The following RABL3 variants were observed in gnomAD, a reference collection of about 807,000 sequenced individuals.
RABL3 encodes RAB, member of RAS oncogene family like 3.
A neutral mutation model predicts 31.8 loss-of-function variants in RABL3; 31 were observed. The observed-to-expected ratio is 0.97, with a 90% CI of 0.73 to 1.31. The LOEUF (loss-of-function observed/expected upper bound fraction) is 1.31, where lower values mean the gene tolerates loss of function less well. Among genes scored for constraint, RABL3 ranks in the 40% most tolerant of loss-of-function variants. The pLI, the probability that RABL3 is intolerant of heterozygous loss-of-function variation, is 0.00. For synonymous variants in RABL3, 97 were observed against 99.9 expected (o/e 0.97, Z 0.18); for missense variants, 263 against 279.6 (o/e 0.94, Z 0.42).
At position 120,685,957 on chromosome 3, in the gene RABL3, T is replaced by G. The variant is rs538020691; in HGVS notation, c.*3866A>C. On this transcript the variant is annotated 3_prime_UTR_variant, in exon 8 of 8. Coordinates refer to ENST00000273375, the MANE Select transcript of RABL3 (RefSeq NM_173825.5). ...AGGGGATTCTTACACACTTCAGAGT[T>G]TGAAAGCCCTCCATGTGAGTCCTTA... 3.3e-5 allele frequency among the ~76,000 whole-genome samples: 5 copies of G among 152,220 alleles called. No homozygotes were observed. The highest frequency in any genetic ancestry group is 2.1e-4 in the South Asian group (1 of 4,834).
Position 120,739,844 on chromosome 3 carries a change from T to C in RABL3, c.46+2618A>G, listed in dbSNP as rs140843904. 7.6e-3 allele frequency among the ~76,000 whole-genome samples: 1,158 copies of C among 152,320 alleles called. 14 individuals are homozygous for C. Among genetic ancestry groups the C allele is most frequent in the African/African-American group, 0.026 (1,098 of 41,562 alleles). The stretch of plus-strand genomic sequence containing the variant: ...ACACTTGAGGCCTAGTTTAGCTTAA[T>C]TGTGTTAGGGTAAACATTTCCAGGC... On this transcript the variant is annotated intron_variant, in intron 1 of 7. Transcript: ENST00000273375.
At chr3:120,696,683 ATATAT>A (rs1450631670) in intron 5 of RABL3, among the ~76,000 whole-genome samples, 4 of 152,140 alleles carry the variant, frequency 2.6e-5, no homozygotes, top group Admixed American at 6.6e-5. Flanking sequence ...ACATTCTAAA[ATATAT>A]TAAAGTAAGC....
At chr3:120,711,821 A>T (rs554249176) in intron 2 of RABL3, among the ~76,000 whole-genome samples, 2 of 152,264 alleles carry the variant, frequency 1.3e-5, no homozygotes, top group South Asian at 4.1e-4. Context: ...GTGTATTTTG[A>T]ACAATTCTCC....
intron 3 of RABL3, among the ~76,000 whole-genome samples, chr3:120,708,460 T>A (rs1708575390): frequency 6.6e-6 from 1 of 151,970 alleles, no homozygotes; most frequent in Non-Finnish European, 1.5e-5. Flanking sequence ...TCATAATTTT[T>A]ATTGTACCTC....
intron 1 of RABL3, among the ~76,000 whole-genome samples, chr3:120,738,072 C>T (rs1708993962): frequency 6.6e-6 from 1 of 152,218 alleles, no homozygotes. Flanking sequence ...TTTAAGTCTG[C>T]AGAGGTTTCA....
chr3:120,694,272 G>T, intron 5 of RABL3, 48 bp from the exon 6 acceptor site: 1 of 1,279,958 alleles, frequency 7.8e-7, no homozygotes, highest in Non-Finnish European at 1.1e-6. Flanking sequence ...GGAAACCCAA[G>T]CTCGTTGCTA....
chr3:120,709,767 A>T lies in RABL3; in HGVS notation c.268+13T>A, dbSNP rs761961947. On this transcript the variant is annotated intron_variant, in intron 3 of 7. Transcript: ENST00000273375. ...GACCATTAATATAAGATAGAAATTT[A>T]AAAATGTTTTACCATTTACGGAGTT... 7 of 1,595,300 alleles carry T rather than the reference A, an allele frequency of 4.4e-6. No individual in the cohort carries two copies. Among genetic ancestry groups the T allele is most frequent in the Admixed American group, 1.7e-5 (1 of 57,896 alleles).
chr3:120,692,388 TG>T (rs201620451), intron 6 of RABL3, among the ~76,000 whole-genome samples: 9,274 of 152,128 alleles, frequency 0.061, 907 homozygotes, highest in African/African-American at 0.21. Context: ...TTACTAGAGA[TG>T]GGGTTTCACC....
At chr3:120,702,043 C>T (rs1330499634) in intron 4 of RABL3, among the ~76,000 whole-genome samples, 2 of 152,264 alleles carry the variant, frequency 1.3e-5, no homozygotes, top group East Asian at 3.9e-4. Flanking sequence ...CAGAATACTC[C>T]AGAAGAAGGC....
chr3:120,706,109 T>G lies in RABL3; in HGVS notation c.274A>C (p.Ile92Leu), dbSNP rs1413603958. The G allele has an allele frequency of 6.3e-7, 1 of 1,586,930 alleles. No homozygotes were observed. Among genetic ancestry groups the G allele is most frequent in the Non-Finnish European group, 8.7e-7 (1 of 1,155,482 alleles). Residue 92 changes from isoleucine to leucine, a missense_variant, in exon 4 of 8, where the codon ATT becomes CTT. Transcript: ENST00000273375. ...TTATTTGTTAAGTCGTGTACGAAAA[T>G]AATACCTAAAATAATCAGAGAAAAC... The part of the protein sequence containing the change: ...AVFYNSVNGI[I>L]FVHDLTNKKS...
chr3:120,708,910 C>G (rs939266696), intron 3 of RABL3, among the ~76,000 whole-genome samples: 2 of 151,826 alleles, frequency 1.3e-5, no homozygotes, highest in African/African-American at 4.8e-5. Flanking sequence ...TTTGTAGAGT[C>G]TACAACACCT....
chr3:120,706,097 C>T lies in RABL3; in HGVS notation c.286G>A (p.Asp96Asn), dbSNP rs564912172. The T allele has an allele frequency of 1.6e-5, 25 of 1,609,078 alleles. 1 individual carries two copies. The highest frequency in any genetic ancestry group is 1.3e-4 in the South Asian group (12 of 90,914). Reference sequence around the variant, plus strand: ...TGGGAGGACTTCTTATTTGTTAAGTCGTGTACGAAAATAATACCTAAAATA... The same window carrying T: ...TGGGAGGACTTCTTATTTGTTAAGTTGTGTACGAAAATAATACCTAAAATA... ...NSVNGIIFVH[D>N]LTNKKSSQNL... Residue 96 changes from aspartate (D) to asparagine (N), a missense_variant, in exon 4 of 8, where the codon GAC (aspartate) becomes AAC (asparagine). Transcript: ENST00000273375.
intron 2 of RABL3, among the ~76,000 whole-genome samples, chr3:120,720,331 T>C (rs931954558): frequency 2.0e-5 from 3 of 152,120 alleles, no homozygotes; most frequent in Admixed American, 6.5e-5. Context: ...CAAAGCTGGA[T>C]GGAGAATGAC....
intron 1 of RABL3, among the ~76,000 whole-genome samples, chr3:120,736,676 G>C (rs549895460): frequency 6.6e-6 from 1 of 152,280 alleles, no homozygotes; most frequent in South Asian, 2.1e-4. Flanking sequence ...GGTACCAGTT[G>C]TTCCTTTCCA....
At chr3:120,699,210 A>G (rs1174495086) in intron 4 of RABL3, among the ~76,000 whole-genome samples, 1 of 152,242 alleles carries the variant, frequency 6.6e-6, no homozygotes, top group Non-Finnish European at 1.5e-5. Context: ...ATGGAAATGG[A>G]AGGAAACAGC....
chr3:120,692,595 A>G (rs558953180), intron 6 of RABL3, among the ~76,000 whole-genome samples: 1 of 152,198 alleles, frequency 6.6e-6, no homozygotes, highest in Non-Finnish European at 1.5e-5. Context: ...CAACCACCTC[A>G]GTCTGGAGGT....
rs1708339804 is a variant in RABL3 at position 120,688,432 on chromosome 3, T to C, written c.*1391A>G. On this transcript the variant is annotated 3_prime_UTR_variant, in exon 8 of 8. Coordinates refer to ENST00000273375, the MANE Select transcript of RABL3 (RefSeq NM_173825.5). ...GCTGCTTTAAAAATCCTTTTCCAAA[T>C]TCCCAAGACTGCCTTTCTAAAAGGA... is the stretch of plus-strand genomic sequence containing the variant. 6.6e-6 allele frequency: 1 copy of C among 152,560 alleles called. No individual in the cohort carries two copies. The highest frequency in any genetic ancestry group is 2.4e-5 in the African/African-American group (1 of 41,446). The allele number at this position is 152,560 out of a possible 1,614,324, so 9.5% of individuals were successfully genotyped here.
intron 2 of RABL3, among the ~76,000 whole-genome samples, chr3:120,730,040 A>G (rs1708864053): frequency 6.6e-6 from 1 of 152,238 alleles, no homozygotes; most frequent in Non-Finnish European, 1.5e-5. Context: ...AATTAGTCTT[A>G]CGGAAGATTT....
intron 2 of RABL3, among the ~76,000 whole-genome samples, chr3:120,729,622 T>G (rs1195212694): frequency 6.6e-6 from 1 of 151,982 alleles, no homozygotes; most frequent in Non-Finnish European, 1.5e-5. Flanking sequence ...TAAAAAGAAC[T>G]AAAAGGAACA....
Sources: allele counts gnomAD v4.1 joint callset (sites outside exome capture counted in the v4.1 genomes callset), GRCh38; gene constraint gnomAD v4.1.1; transcripts MANE v1.5; gene names NCBI Gene and HGNC (gene_info 2026-07-23, HGNC 2026-07-21).